PVT1: variants seen among roughly 807,000 people sequenced by gnomAD.
The protein encoded by PVT1 is Pvt1 oncogene.
At chr8:127,874,945 G>A (rs1281728076) in intron 2 of PVT1, among the ~76,000 whole-genome samples, 2 of 150,616 alleles carry the variant, frequency 1.3e-5, no homozygotes, top group Non-Finnish European at 2.9e-5. Flanking sequence ...TGGGTGTGTG[G>A]CCCTGGGCTG....
At chr8:128,029,679 G>A (rs1403342299) in intron 4 of PVT1, among the ~76,000 whole-genome samples, 7 of 152,070 alleles carry the variant, frequency 4.6e-5, no homozygotes, top group Non-Finnish European at 8.8e-5. Context: ...GCTAACCTTA[G>A]TCCCAGCTAC....
At chr8:127,888,585 A>G (rs973347474) in intron 2 of PVT1, among the ~76,000 whole-genome samples, 8 of 152,258 alleles carry the variant, frequency 5.3e-5, no homozygotes, top group Non-Finnish European at 1.0e-4. Flanking sequence ...GGTGAGCCCA[A>G]TATAATCACA....
intron 2 of PVT1, among the ~76,000 whole-genome samples, chr8:127,812,211 A>AAAGGCAGG (rs1254594393): frequency 5.8e-4 from 75 of 128,962 alleles, no homozygotes; most frequent in East Asian, 4.9e-3. Flanking sequence ...AGGAAGGAGG[A>AAAGGCAGG]AAGGCAGGAA....
intron 4 of PVT1, among the ~76,000 whole-genome samples, chr8:127,991,406 C>A (rs1043348160): frequency 3.9e-5 from 6 of 151,966 alleles, no homozygotes; most frequent in African/African-American, 1.5e-4. Context: ...GGCCTCGTAG[C>A]TCTTTTTGAC....
chr8:127,963,028 C>A (rs1476705790), intron 3 of PVT1, among the ~76,000 whole-genome samples: 2 of 152,236 alleles, frequency 1.3e-5, no homozygotes, highest in Non-Finnish European at 2.9e-5. Flanking sequence ...CAATGGACCT[C>A]TGGCCTGCGG....
At chr8:128,027,852 C>T (rs1382815801) in intron 4 of PVT1, among the ~76,000 whole-genome samples, 2 of 152,242 alleles carry the variant, frequency 1.3e-5, no homozygotes, top group African/African-American at 4.8e-5. Flanking sequence ...GTTTAACCAG[C>T]ACAAGAGTTT....
intron 5 of PVT1, among the ~76,000 whole-genome samples, chr8:128,075,896 A>C (rs1163471735): frequency 1.3e-5 from 2 of 152,216 alleles, no homozygotes; most frequent in African/African-American, 2.4e-5. Flanking sequence ...ATAAGTTGAC[A>C]AACCCAGCCA....
At chr8:128,049,289 C>G (rs1405220585) in intron 4 of PVT1, 1 of 486,880 alleles carries the variant, frequency 2.1e-6, no homozygotes, top group Admixed American at 2.2e-5. Context: ...CGTCTTGGAG[C>G]CACTGATAGA....
At chr8:127,995,258 G>A (rs1039719738) in intron 4 of PVT1, among the ~76,000 whole-genome samples, 7 of 152,178 alleles carry the variant, frequency 4.6e-5, no homozygotes, top group Non-Finnish European at 7.3e-5. Context: ...TGTTCTGTCT[G>A]TATCCTGGCT....
intron 2 of PVT1, among the ~76,000 whole-genome samples, chr8:127,828,579 G>A (rs1334983650): frequency 6.6e-6 from 1 of 152,084 alleles, no homozygotes; most frequent in African/African-American, 2.4e-5. Flanking sequence ...AAACTTGCAT[G>A]AAACCTCTTC....
intron 3 of PVT1, among the ~76,000 whole-genome samples, chr8:127,977,691 T>C (rs968921028): frequency 5.9e-5 from 9 of 151,968 alleles, no homozygotes; most frequent in East Asian, 5.8e-4. Context: ...GCCGAGATCA[T>C]GCCTCCACAC....
intron 4 of PVT1, among the ~76,000 whole-genome samples, chr8:128,006,590 C>T (rs1031492380): frequency 2.0e-5 from 3 of 152,138 alleles, no homozygotes; most frequent in Non-Finnish European, 4.4e-5. Context: ...CTAATTTTAG[C>T]ATTCGTGGAT....
intron 3 of PVT1, among the ~76,000 whole-genome samples, chr8:127,962,675 C>A (rs991847524): frequency 1.3e-5 from 2 of 152,084 alleles, no homozygotes; most frequent in Non-Finnish European, 2.9e-5. Context: ...CGGCTCACTG[C>A]AGCCTCTGCC....
chr8:127,800,780 A>G (rs1208248672), intron 2 of PVT1, among the ~76,000 whole-genome samples: 4 of 152,192 alleles, frequency 2.6e-5, no homozygotes, highest in Non-Finnish European at 4.4e-5. Flanking sequence ...AAAAGGACAG[A>G]TTTCCATGCT....
chr8:127,984,927 C>CTCTT (rs1240791600), intron 3 of PVT1, among the ~76,000 whole-genome samples: 8 of 120,704 alleles, frequency 6.6e-5, no homozygotes, highest in African/African-American at 3.5e-5. Flanking sequence ...CTTTCTCTTT[C>CTCTT]TCTTTCTTTC....
Position 127,960,863 on chromosome 8 carries a change from C to T in PVT1, n.783-28299C>T, listed in dbSNP as rs13262372. Reference sequence around the variant, plus strand: ...TGCAGGCCAGGCATGGTGCTGCATGCATTCTGGAAGTACAGGAATGAGTTG... The same window carrying T: ...TGCAGGCCAGGCATGGTGCTGCATGTATTCTGGAAGTACAGGAATGAGTTG... On this transcript the variant is annotated intron_variant and non_coding_transcript_variant, in intron 3 of 10. Coordinates refer to ENST00000651587, the Ensembl canonical transcript of PVT1. Among the ~76,000 whole-genome samples, 21 of 142,318 alleles carry T rather than the reference C, an allele frequency of 1.5e-4. 2 individuals carry two copies. In the South Asian group the frequency reaches 4.3e-3, roughly 29 times the overall value. The allele number at this position is 142,318 out of a possible 152,430, so 93.4% of individuals were successfully genotyped here.
chr8:127,893,747 A>G (rs914278901), intron 3 of PVT1, among the ~76,000 whole-genome samples: 2 of 152,186 alleles, frequency 1.3e-5, no homozygotes, highest in Non-Finnish European at 2.9e-5. Flanking sequence ...GCCTTAGTAC[A>G]TTCATTCATA....
intron 3 of PVT1, among the ~76,000 whole-genome samples, chr8:127,972,872 C>A (rs1006576767): frequency 6.6e-6 from 1 of 152,092 alleles, no homozygotes; most frequent in Non-Finnish European, 1.5e-5. Context: ...CTAATGTCAG[C>A]CAAGTTTGAG....
intron 3 of PVT1, among the ~76,000 whole-genome samples, chr8:127,919,623 T>C (rs866179429): frequency 6.6e-6 from 1 of 152,228 alleles, no homozygotes; most frequent in African/African-American, 2.4e-5. Context: ...GACGCTGGAC[T>C]GAGAGCCCAG....
Sources: allele counts gnomAD v4.1 joint callset (sites outside exome capture counted in the v4.1 genomes callset), GRCh38; gene constraint gnomAD v4.1.1; transcripts MANE v1.5; gene names NCBI Gene and HGNC (gene_info 2026-07-23, HGNC 2026-07-21).